CSNK2A2IP: variants seen among roughly 807,000 people sequenced by gnomAD.
The protein encoded by CSNK2A2IP is casein kinase 2 subunit alpha' interacting protein.
chr3:88,457,438 G>A, the CSNK2A2IP span, among the ~76,000 whole-genome samples: 4 of 151,964 alleles, frequency 2.6e-5, no homozygotes, highest in African/African-American at 9.7e-5. Context: ...GCTCACCCCT[G>A]TAATCCCAGC....
the CSNK2A2IP span, among the ~76,000 whole-genome samples, chr3:88,385,410 G>A: frequency 0.038 from 5,728 of 152,242 alleles, 266 homozygotes; most frequent in African/African-American, 0.11. Flanking sequence ...AATGAGGAAT[G>A]TAAGTTATGC....
the CSNK2A2IP span, among the ~76,000 whole-genome samples, chr3:88,376,189 G>T: frequency 6.6e-6 from 1 of 150,840 alleles, no homozygotes; most frequent in Admixed American, 6.6e-5. Flanking sequence ...CTAAATATTG[G>T]TGTGCTCTGT....
At chr3:88,393,221 G>T in the CSNK2A2IP span, among the ~76,000 whole-genome samples, 1 of 152,186 alleles carries the variant, frequency 6.6e-6, no homozygotes, top group East Asian at 1.9e-4. Flanking sequence ...AAGCATTTCA[G>T]GTAAACTTAC....
At chr3:88,440,216 T>C in the CSNK2A2IP span, among the ~76,000 whole-genome samples, 6 of 152,220 alleles carry the variant, frequency 3.9e-5, no homozygotes, top group Non-Finnish European at 7.3e-5. Flanking sequence ...TTTTTTAGTT[T>C]AGGGATACGA....
the CSNK2A2IP span, among the ~76,000 whole-genome samples, chr3:88,464,537 G>A: frequency 2.0e-5 from 3 of 151,866 alleles, no homozygotes; most frequent in Non-Finnish European, 4.4e-5. Context: ...GGATAATAAT[G>A]AAATAGGAGC....
At chr3:88,394,767 T>G in the CSNK2A2IP span, among the ~76,000 whole-genome samples, 55 of 152,332 alleles carry the variant, frequency 3.6e-4, no homozygotes, top group African/African-American at 1.2e-3. Context: ...TTTAAGTCCT[T>G]TGTCTGGAGT....
At chr3:88,419,283 A>G in the CSNK2A2IP span, among the ~76,000 whole-genome samples, 5 of 152,144 alleles carry the variant, frequency 3.3e-5, no homozygotes, top group African/African-American at 1.2e-4. Context: ...CTGGTGCCAA[A>G]AGGGCACCTT....
chr3:88,350,711 A>T, the CSNK2A2IP span, among the ~76,000 whole-genome samples: 13 of 152,112 alleles, frequency 8.5e-5, no homozygotes, highest in Non-Finnish European at 1.8e-4. Flanking sequence ...ACAACAAATA[A>T]CCAAAATAAA....
the CSNK2A2IP span, among the ~76,000 whole-genome samples, chr3:88,405,897 G>A: frequency 6.6e-6 from 1 of 152,074 alleles, no homozygotes; most frequent in African/African-American, 2.4e-5. Flanking sequence ...AAGCATTCTA[G>A]TATCAACTTT....
the CSNK2A2IP span, among the ~76,000 whole-genome samples, chr3:88,392,269 G>A: frequency 2.0e-5 from 3 of 152,210 alleles, no homozygotes; most frequent in Admixed American, 2.0e-4. Flanking sequence ...CAAGTAGGCA[G>A]TTGGATATGT....
the CSNK2A2IP span, chr3:88,467,348 C>T: frequency 2.5e-6 from 1 of 397,920 alleles, no homozygotes; most frequent in Non-Finnish European, 4.4e-6. Flanking sequence ...CTCACTCTCT[C>T]ACGTCCTGTA....
the CSNK2A2IP span, among the ~76,000 whole-genome samples, chr3:88,366,761 T>C: frequency 1.6e-4 from 24 of 152,110 alleles, no homozygotes; most frequent in African/African-American, 5.3e-4. Context: ...GGGGCATGTA[T>C]TAGTCTGTTT....
chr3:88,376,755 T>C, the CSNK2A2IP span, among the ~76,000 whole-genome samples: 2 of 151,816 alleles, frequency 1.3e-5, no homozygotes, highest in Non-Finnish European at 2.9e-5. Context: ...ATTTGACCTT[T>C]ATGTTAAGCT....
the CSNK2A2IP span, among the ~76,000 whole-genome samples, chr3:88,360,798 G>T: frequency 2.4e-3 from 358 of 148,158 alleles, 1 homozygote; most frequent in African/African-American, 8.5e-3. Context: ...GATTTCTCTG[G>T]CAGTATGTTT....
the CSNK2A2IP span, among the ~76,000 whole-genome samples, chr3:88,446,775 C>T: frequency 6.6e-6 from 1 of 152,178 alleles, no homozygotes; most frequent in Non-Finnish European, 1.5e-5. Context: ...CGCACACATA[C>T]ACTTCAGCTA....
At chr3:88,417,827 T>C in the CSNK2A2IP span, among the ~76,000 whole-genome samples, 8 of 152,216 alleles carry the variant, frequency 5.3e-5, no homozygotes, top group Non-Finnish European at 1.0e-4. Context: ...GAGGTTAATG[T>C]TAGACTATGT....
chr3:88,402,676 G>T, the CSNK2A2IP span, among the ~76,000 whole-genome samples: 1 of 150,844 alleles, frequency 6.6e-6, no homozygotes, highest in African/African-American at 2.4e-5. Context: ...GCTATGTGTA[G>T]ACACACACAT....
the CSNK2A2IP span, among the ~76,000 whole-genome samples, chr3:88,439,220 T>C: frequency 6.6e-6 from 1 of 152,240 alleles, no homozygotes; most frequent in Non-Finnish European, 1.5e-5. Flanking sequence ...TGCACATCTT[T>C]CATTTGAATA....
the CSNK2A2IP span, among the ~76,000 whole-genome samples, chr3:88,396,168 A>C: frequency 6.8e-6 from 1 of 147,280 alleles, no homozygotes; most frequent in Admixed American, 6.8e-5. Context: ...GCAGTGGCGC[A>C]ATCTCGGCTC....
Sources: allele counts gnomAD v4.1 joint callset (sites outside exome capture counted in the v4.1 genomes callset), GRCh38; gene constraint gnomAD v4.1.1; transcripts MANE v1.5; gene names NCBI Gene and HGNC (gene_info 2026-07-23, HGNC 2026-07-21).